RBFOX1: variants seen among roughly 807,000 people sequenced by gnomAD.
RBFOX1 encodes the protein RNA binding fox-1 homolog 1, also known as RNA binding protein fox-1 homolog 1.
In RBFOX1, 8 loss-of-function variants were observed where a neutral mutation model predicts 57.7. The observed-to-expected ratio is 0.14, with a 90% CI of 0.08 to 0.25. The LOEUF is 0.25. Ranked by LOEUF, RBFOX1 falls within the 10% of genes least tolerant of loss-of-function variation. The probability of loss-of-function intolerance (pLI) is 1.00; values close to 1 mark genes in which losing one functional copy is unlikely to be tolerated. For synonymous variants in RBFOX1, 326 were observed against 222.4 expected (o/e 1.47, Z -4.15); for missense variants, 611 against 548.5 (o/e 1.11, Z -1.14).
chr16:7,166,074 A>T (rs1034582807), intron 4 of RBFOX1, among the ~76,000 whole-genome samples: 1 of 151,838 alleles, frequency 6.6e-6, no homozygotes, highest in Non-Finnish European at 1.5e-5. Flanking sequence ...AGTGCAGTGG[A>T]TTGATCTCAG....
chr16:5,635,926 A>G (rs548752605), intron 3 of RBFOX1, among the ~76,000 whole-genome samples: 6 of 152,340 alleles, frequency 3.9e-5, no homozygotes, highest in African/African-American at 1.4e-4. Flanking sequence ...ACTATTTAAC[A>G]TTCCAGGTGC....
At position 7,420,973 on chromosome 16, in the gene RBFOX1, ATG is replaced by A. The variant is rs199974574; in HGVS notation, c.28-97172_28-97171del. ...CACACACACACACATATATATATAT[ATG>A]TAGTCCTGCGCTTTCCTGAGGCTGT... On this transcript the variant is annotated intron_variant, in intron 4 of 15. Transcript: ENST00000550418. Among the ~76,000 whole-genome samples the A allele has an allele frequency of 2.2e-3, 316 of 146,726 alleles. 2 individuals carry two copies. Among genetic ancestry groups the A allele is most frequent in the East Asian group, 0.012 (60 of 5,090 alleles).
At chr16:5,340,285 G>A (rs2065004910) in intron 1 of RBFOX1, among the ~76,000 whole-genome samples, 1 of 152,150 alleles carries the variant, frequency 6.6e-6, no homozygotes, top group Non-Finnish European at 1.5e-5. Context: ...GGAAAGGGGA[G>A]GAATTTGGAC....
chr16:6,816,528 T>G (rs1246538165), intron 3 of RBFOX1, among the ~76,000 whole-genome samples: 2 of 150,778 alleles, frequency 1.3e-5, no homozygotes, highest in Non-Finnish European at 2.9e-5. Flanking sequence ...GATCACAGGA[T>G]CAGGAGATGA....
At chr16:6,370,852 G>C (rs1344428573) in intron 2 of RBFOX1, among the ~76,000 whole-genome samples, 1 of 152,130 alleles carries the variant, frequency 6.6e-6, no homozygotes, top group Admixed American at 6.5e-5. Flanking sequence ...TGTATATTTT[G>C]CTACAATTTT....
intron 1 of RBFOX1, among the ~76,000 whole-genome samples, chr16:6,293,003 C>T (rs545018381): frequency 1.3e-5 from 2 of 152,198 alleles, no homozygotes; most frequent in East Asian, 3.9e-4. Context: ...AATTTCCTTC[C>T]TGTCTTCATA....
chr16:7,567,784 T>TATGTATACCTATATATATCC (rs2092257377), intron 5 of RBFOX1, among the ~76,000 whole-genome samples: 2 of 146,198 alleles, frequency 1.4e-5, no homozygotes, highest in African/African-American at 5.1e-5. Flanking sequence ...TCTATATATA[T>TATGTATACCTATATATATCC]CCATATGTAT....
At chr16:6,437,166 A>G (rs2094258835) in intron 2 of RBFOX1, among the ~76,000 whole-genome samples, 1 of 152,216 alleles carries the variant, frequency 6.6e-6, no homozygotes, top group African/African-American at 2.4e-5. Context: ...TATCACCCAC[A>G]GCATGTCAGT....
chr16:7,199,175 G>A (rs1461103072), intron 4 of RBFOX1, among the ~76,000 whole-genome samples: 1 of 152,150 alleles, frequency 6.6e-6, no homozygotes, highest in African/African-American at 2.4e-5. Context: ...GGATTTTTAT[G>A]GCAATGCATT....
chr16:6,776,882 A>G (rs1428809246), intron 3 of RBFOX1, among the ~76,000 whole-genome samples: 2 of 152,250 alleles, frequency 1.3e-5, no homozygotes, highest in African/African-American at 2.4e-5. Flanking sequence ...CATGTGGCAC[A>G]TTTTAATTAC....
At chr16:7,191,168 A>G (rs889339794) in intron 4 of RBFOX1, among the ~76,000 whole-genome samples, 3 of 152,126 alleles carry the variant, frequency 2.0e-5, no homozygotes, top group Non-Finnish European at 2.9e-5. Flanking sequence ...CTCTCTTCCA[A>G]AGGAAACCCC....
chr16:7,001,450 A>ATATGTATATGTATATGTG (rs2092796466), intron 3 of RBFOX1, among the ~76,000 whole-genome samples: 2 of 144,064 alleles, frequency 1.4e-5, no homozygotes, highest in Admixed American at 7.0e-5. Context: ...ATGTATATGT[A>ATATGTATATGTATATGTG]TATGTATACG....
intron 3 of RBFOX1, among the ~76,000 whole-genome samples, chr16:6,794,447 A>C (rs950081990): frequency 2.6e-5 from 4 of 152,044 alleles, no homozygotes; most frequent in Non-Finnish European, 5.9e-5. Context: ...TTCAGGATGC[A>C]GGGGGAGGGA....
chr16:5,922,158 C>G (rs1239195361), intron 4 of RBFOX1, among the ~76,000 whole-genome samples: 1 of 152,100 alleles, frequency 6.6e-6, no homozygotes, highest in Non-Finnish European at 1.5e-5. Context: ...AAGACCCTGT[C>G]TCGACAAAGA....
chr16:6,437,495 C>G (rs2094268606), intron 2 of RBFOX1, among the ~76,000 whole-genome samples: 1 of 152,168 alleles, frequency 6.6e-6, no homozygotes, highest in African/African-American at 2.4e-5. Context: ...ACTGACACTG[C>G]TTCATTAGGT....
chr16:6,588,404 G>C (rs1249708034), intron 2 of RBFOX1, among the ~76,000 whole-genome samples: 1 of 152,042 alleles, frequency 6.6e-6, no homozygotes, highest in Non-Finnish European at 1.5e-5. Flanking sequence ...TGTAATCCCA[G>C]CAATTTGGGA....
At chr16:5,698,983 ATTTTT>A (rs3036442) in intron 3 of RBFOX1, among the ~76,000 whole-genome samples, 88 of 109,910 alleles carry the variant, frequency 8.0e-4, no homozygotes, top group Middle Eastern at 9.2e-3. Flanking sequence ...ACCTGGTTGG[ATTTTT>A]TTTTTTTTTT....
intron 5 of RBFOX1, among the ~76,000 whole-genome samples, chr16:7,559,385 G>A (rs915996631): frequency 6.6e-6 from 1 of 151,958 alleles, no homozygotes; most frequent in African/African-American, 2.4e-5. Context: ...AGAAACTAGG[G>A]CACATCTGAG....
intron 3 of RBFOX1, among the ~76,000 whole-genome samples, chr16:6,942,284 A>G (rs1270390739): frequency 6.6e-6 from 1 of 152,104 alleles, no homozygotes; most frequent in African/African-American, 2.4e-5. Context: ...CATCTCACAA[A>G]CAAAAAACAA....
Sources: gnomAD v4.1 joint callset for allele counts (sites outside exome capture counted in the v4.1 genomes callset) on GRCh38, gnomAD v4.1.1 for gene constraint, MANE v1.5 for transcripts, NCBI Gene and HGNC (gene_info 2026-07-23, HGNC 2026-07-21) for gene names.